Variants in WWC2 observed in about 807,000 individuals in gnomAD.
WWC2 encodes WW and C2 domain containing 2.
WWC2 carries 101 observed loss-of-function variants against 138.5 expected under a neutral mutation model. That is an observed-to-expected ratio of 0.73 (90% CI 0.62 to 0.86). WWC2 has a LOEUF of 0.86. Among genes scored for constraint, WWC2 ranks in the 40% least tolerant of loss-of-function variants. The pLI is 0.00. For synonymous variants in WWC2, 558 were observed against 538.4 expected, an observed-to-expected ratio of 1.04 and a Z score of -0.50; for missense variants, 1,420 against 1,419.4, an observed-to-expected ratio of 1.00 and a Z score of -0.01.
intron 1 of WWC2, among the ~76,000 whole-genome samples, chr4:183,163,717 AT>A: frequency 6.6e-6 from 1 of 152,246 alleles, no homozygotes; most frequent in African/African-American, 2.4e-5. Flanking sequence ...GTGTTACTGT[AT>A]GTGGATGGTG....
At chr4:183,106,251 TG>T (rs1168201536) in intron 1 of WWC2, among the ~76,000 whole-genome samples, 2 of 152,186 alleles carry the variant, frequency 1.3e-5, no homozygotes, top group African/African-American at 4.8e-5. Context: ...CCCAAAATGC[TG>T]GGATTACAGG....
chr4:183,311,842 G>T (rs1036607714), intron 21 of WWC2, among the ~76,000 whole-genome samples: 4 of 152,078 alleles, frequency 2.6e-5, no homozygotes, highest in Admixed American at 6.5e-5. Context: ...CTCCCAAAGT[G>T]CTGGGATTAC....
At chr4:183,174,640 A>T (rs1734403871) in intron 1 of WWC2, among the ~76,000 whole-genome samples, 1 of 152,216 alleles carries the variant, frequency 6.6e-6, no homozygotes, top group Non-Finnish European at 1.5e-5. Context: ...AATGAATTTT[A>T]TCCTCCCAAC....
intron 1 of WWC2, among the ~76,000 whole-genome samples, chr4:183,106,815 C>T (rs1743376059): frequency 6.6e-6 from 1 of 151,872 alleles, no homozygotes; most frequent in Admixed American, 6.6e-5. Flanking sequence ...ATATTTTGTA[C>T]TTTCATTAGC....
chr4:183,267,936 GATT>G (rs773251492), intron 14 of WWC2, among the ~76,000 whole-genome samples: 1 of 151,914 alleles, frequency 6.6e-6, no homozygotes, highest in Non-Finnish European at 1.5e-5. Flanking sequence ...GTTATTTTTT[GATT>G]ATTAATTGTG....
rs780794272 is a variant in WWC2, at chr4:183,154,029, C to A, written c.132-39570C>A. The stretch of plus-strand genomic sequence containing the variant: ...AAAAAAAAAAAAAAAAAAAAAAAAA[C>A]CCCAAATCTAATTCATCATTTAGTT... On this transcript the variant is annotated intron_variant, in intron 1 of 22. Coordinates refer to ENST00000403733, the MANE Select transcript of WWC2 (RefSeq NM_024949.6). Among the ~76,000 whole-genome samples the A allele has an allele frequency of 9.9e-3, 1,170 of 117,704 alleles. 17 individuals carry two copies. The highest frequency in any genetic ancestry group is 0.014 in the Non-Finnish European group (795 of 56,290). The allele number at this position is 117,704 out of a possible 152,430, so 77.2% of individuals were successfully genotyped here.
rs189732475 is a variant in WWC2 at position 183,209,062 on chromosome 4, T to C, written c.522+37T>C. On this transcript the variant is annotated intron_variant, in intron 4 of 22. Transcript: ENST00000403733. ...TAAATTGTGGTTCTATGTTGACCCA[T>C]ATGCATAGAGTCTGAAGGCTGTGGA... 10,212 of 1,425,314 alleles carry C rather than the reference T, an allele frequency of 7.2e-3. 47 individuals carry two copies. The highest frequency in any genetic ancestry group is 8.3e-3 in the Non-Finnish European group (8,530 of 1,031,774). 88.3% of individuals were successfully genotyped at this position (1,425,314 alleles called of 1,614,324 possible).
rs765075829 is a variant in WWC2, at chr4:183,271,215, C to T, written c.2536C>T (p.Gln846Ter). Residue 846 changes from glutamine (Q) to a stop codon, truncating the protein, a stop_gained, in exon 16 of 23, where the codon CAG (glutamine) becomes TAG (stop). Transcript: ENST00000403733. LOFTEE classifies it high-confidence loss of function. ...ENEDSVFQPN[Q>*]PLVDSIDLDA... Reference sequence around the variant, plus strand: ...TGAGGACTCTGTATTTCAACCAAACCAGCCGTTAGTAGATTCTATAGACTT... The same window carrying T: ...TGAGGACTCTGTATTTCAACCAAACTAGCCGTTAGTAGATTCTATAGACTT... 6.2e-7 allele frequency: 1 copy of T among 1,611,630 alleles called. No individual in the cohort carries two copies. Among genetic ancestry groups the T allele is most frequent in the South Asian group, 1.1e-5 (1 of 90,446 alleles).
intron 4 of WWC2, among the ~76,000 whole-genome samples, chr4:183,222,672 A>G (rs1735965914): frequency 6.6e-6 from 1 of 152,180 alleles, no homozygotes; most frequent in South Asian, 2.1e-4. Flanking sequence ...TACCTTACAT[A>G]TAAAAATATG....
At chr4:183,108,552 C>G (rs1732120698) in intron 1 of WWC2, among the ~76,000 whole-genome samples, 1 of 151,610 alleles carries the variant, frequency 6.6e-6, no homozygotes, top group Non-Finnish European at 1.5e-5. Flanking sequence ...GAGTCCTGGG[C>G]TGGAAAAAGG....
intron 4 of WWC2, among the ~76,000 whole-genome samples, chr4:183,209,851 A>T (rs151026797): frequency 6.6e-6 from 1 of 152,224 alleles, no homozygotes; most frequent in African/African-American, 2.4e-5. Flanking sequence ...AAATAAACTC[A>T]TGTAACCAAT....
intron 1 of WWC2, among the ~76,000 whole-genome samples, chr4:183,167,755 T>C (rs918704912): frequency 6.6e-6 from 1 of 152,118 alleles, no homozygotes; most frequent in African/African-American, 2.4e-5. Flanking sequence ...GGAAAGGGAA[T>C]CACTGGAAAT....
chr4:183,161,554 C>T (rs1381819237), intron 1 of WWC2, among the ~76,000 whole-genome samples: 1 of 152,168 alleles, frequency 6.6e-6, no homozygotes, highest in African/African-American at 2.4e-5. Context: ...AGAAGAAACA[C>T]AGTCACACGC....
At chr4:183,301,309 G>A (rs1738833085) in intron 21 of WWC2, among the ~76,000 whole-genome samples, 1 of 152,074 alleles carries the variant, frequency 6.6e-6, no homozygotes, top group Non-Finnish European at 1.5e-5. Flanking sequence ...CCTTGTATTT[G>A]AATCACATAA....
At chr4:183,220,878 G>A (rs1329039961) in intron 4 of WWC2, among the ~76,000 whole-genome samples, 1 of 150,704 alleles carries the variant, frequency 6.6e-6, no homozygotes, top group East Asian at 1.9e-4. Context: ...GCCAATAAAG[G>A]AGATAAAATG....
intron 20 of WWC2, among the ~76,000 whole-genome samples, chr4:183,286,725 C>T (rs2111069625): frequency 6.6e-6 from 1 of 152,254 alleles, no homozygotes; most frequent in South Asian, 2.1e-4. Context: ...GGTTCGGTGA[C>T]TACAGAGCAC....
At chr4:183,127,601 T>G (rs1732799422) in intron 1 of WWC2, among the ~76,000 whole-genome samples, 1 of 152,154 alleles carries the variant, frequency 6.6e-6, no homozygotes, top group African/African-American at 2.4e-5. Context: ...TATAGTGCAT[T>G]ATATTTGGGA....
intron 21 of WWC2, among the ~76,000 whole-genome samples, chr4:183,308,851 A>G (rs1260579397): frequency 6.6e-6 from 1 of 152,214 alleles, no homozygotes; most frequent in Non-Finnish European, 1.5e-5. Context: ...AGTTGCAACC[A>G]TCCATTTTTT....
chr4:183,266,219 G>A (rs995072960), intron 14 of WWC2, among the ~76,000 whole-genome samples: 1 of 152,176 alleles, frequency 6.6e-6, no homozygotes, highest in Non-Finnish European at 1.5e-5. Flanking sequence ...GTTTTATGCT[G>A]TGTTGGAATT....
Sources: gnomAD v4.1 joint callset for allele counts (sites outside exome capture counted in the v4.1 genomes callset) on GRCh38, gnomAD v4.1.1 for gene constraint, MANE v1.5 for transcripts, NCBI Gene and HGNC (gene_info 2026-07-23, HGNC 2026-07-21) for gene names.